Variants in URI1 observed in about 807,000 individuals in gnomAD.
The protein encoded by URI1 is URI1 prefoldin like chaperone, also known as unconventional prefoldin RPB5 interactor 1.
A neutral mutation model predicts 60.2 loss-of-function variants in URI1; 39 were observed. That is an observed-to-expected ratio of 0.65 (90% CI 0.50 to 0.85). The LOEUF is 0.85. Ranked by LOEUF, URI1 falls within the 40% of genes least tolerant of loss-of-function variation. The pLI, the probability that URI1 is intolerant of heterozygous loss-of-function variation, is 0.00. For missense variants in URI1, 691 were observed against 665.9 expected (o/e 1.04, Z -0.42); for synonymous variants, 251 against 236.8 (o/e 1.06, Z -0.55).
At chr19:29,988,066 G>T (rs988827742) in intron 4 of URI1, among the ~76,000 whole-genome samples, 2 of 151,774 alleles carry the variant, frequency 1.3e-5, no homozygotes, top group African/African-American at 4.8e-5. Flanking sequence ...TACTTGGGAG[G>T]CTGAGACAGG....
chr19:30,007,537 T>C lies in URI1; in HGVS notation c.585T>C (p.Ile195=), dbSNP rs1194133440. The C allele has an allele frequency of 2.5e-6, 4 of 1,613,572 alleles. No individual in the cohort carries two copies. The South Asian group carries it at 4.4e-5, about 18-fold the overall frequency. The change falls in exon 7 of 11, where the codon ATT becomes ATC. Residue 195 remains isoleucine, a synonymous_variant. Transcript: ENST00000392271. ...CTTCAGATATTTTTGAAGCAGATAT[T>C]GCAAATGATGTGAAATCCAAGGATT... ...PKTSDIFEAD[I]ANDVKSKDLL... is the part of the protein sequence containing the mutation.
chr19:30,012,298 G>C lies in URI1; in HGVS notation c.1192G>C (p.Val398Leu). 1.2e-6 allele frequency: 2 copies of C among 1,613,422 alleles called. No homozygotes were observed. Among genetic ancestry groups the C allele is most frequent in the Non-Finnish European group, 1.7e-6 (2 of 1,179,406 alleles). Reference sequence around the variant, plus strand: ...TGAATATCACAGAGCCTTTGTTGATGTTGTGAATGGAGAATATGTCCCTCG... The same window carrying C: ...TGAATATCACAGAGCCTTTGTTGATCTTGTGAATGGAGAATATGTCCCTCG... Reference protein sequence around the residue: ...PADIYRAFVDVVNGEYVPRKS... With the variant: ...PADIYRAFVDLVNGEYVPRKS... Residue 398 changes from valine to leucine, a missense_variant, in exon 10 of 11, where the codon GTT becomes CTT. Physicochemically the swap from Val to Leu is conservative, Grantham distance 32. Transcript: ENST00000392271.
rs370043665 is a variant in URI1, at chr19:29,943,986, A to G, written c.117+1322A>G. Among the ~76,000 whole-genome samples the G allele has an allele frequency of 8.0e-5, 12 of 150,264 alleles. No homozygotes were observed. The East Asian group carries it at 1.6e-3, about 20-fold the overall frequency. On this transcript the variant is annotated intron_variant, in intron 1 of 10. Transcript: ENST00000392271. ...CTCCGTCTATACAAAAAAATACAAA[A>G]AATTAGCCGGGCCATGGTGGTGCAC...
At chr19:29,962,734 A>T (rs969917202) in intron 1 of URI1, among the ~76,000 whole-genome samples, 1 of 151,734 alleles carries the variant, frequency 6.6e-6, no homozygotes, top group Admixed American at 6.6e-5. Context: ...CTAGTTTAAT[A>T]ATTTTTTTGA....
intron 2 of URI1, among the ~76,000 whole-genome samples, chr19:29,972,565 G>T (rs1270973346): frequency 6.6e-6 from 1 of 152,102 alleles, no homozygotes; most frequent in Non-Finnish European, 1.5e-5. Context: ...TGGGTGAATG[G>T]TAACTTGCTT....
intron 1 of URI1, among the ~76,000 whole-genome samples, chr19:29,928,315 C>A (rs2054888064): frequency 6.6e-6 from 1 of 152,102 alleles, no homozygotes; most frequent in Non-Finnish European, 1.5e-5. Context: ...CCAGGTCACG[C>A]CCAAGCATTA....
upstream of URI1, chr19:29,937,855 G>C (rs985250832): frequency 6.6e-6 from 1 of 152,192 alleles, no homozygotes; most frequent in African/African-American, 2.4e-5. Flanking sequence ...GCCATTCCAG[G>C]AAAGCTATTC....
chr19:30,002,347 AT>A (rs1208640787), intron 4 of URI1, among the ~76,000 whole-genome samples: 2 of 151,988 alleles, frequency 1.3e-5, no homozygotes, highest in Non-Finnish European at 2.9e-5. Context: ...TTAAGTTCTT[AT>A]GAGGTTTTAA....
At chr19:29,956,649 G>T (rs1399904336) in intron 1 of URI1, 1 of 1,526,532 alleles carries the variant, frequency 6.6e-7, no homozygotes, top group African/African-American at 1.4e-5. Context: ...AGAAATTTCG[G>T]ATTTCAACAA....
chr19:29,989,768 AG>A (rs1366723030), intron 4 of URI1, among the ~76,000 whole-genome samples: 2 of 18,602 alleles, frequency 1.1e-4, no homozygotes, highest in African/African-American at 1.7e-4. Flanking sequence ...TCGTTTTGAG[AG>A]TTTTTTTTTT....
intron 1 of URI1, among the ~76,000 whole-genome samples, chr19:29,951,707 C>T (rs2055182533): frequency 6.6e-6 from 1 of 152,050 alleles, no homozygotes; most frequent in Non-Finnish European, 1.5e-5. Context: ...CCACCACGCC[C>T]AGCTACTTTT....
intron 2 of URI1, among the ~76,000 whole-genome samples, chr19:29,978,883 T>C (rs2055558163): frequency 6.6e-6 from 1 of 152,244 alleles, no homozygotes; most frequent in South Asian, 2.1e-4. Context: ...GATTGCCATT[T>C]TTCACTGTTG....
chr19:29,986,929 A>G (rs184319082), intron 4 of URI1, among the ~76,000 whole-genome samples: 1 of 152,276 alleles, frequency 6.6e-6, no homozygotes, highest in Admixed American at 6.5e-5. Flanking sequence ...GCTACCTAAA[A>G]CAGCACCCTT....
upstream of URI1, among the ~76,000 whole-genome samples, chr19:29,938,318 G>C (rs528133641): frequency 6.6e-6 from 1 of 152,118 alleles, no homozygotes; most frequent in East Asian, 1.9e-4. Context: ...ATGGCAAGTG[G>C]AAGTAAGAGC....
At chr19:29,956,742 C>T (rs575833240) in intron 1 of URI1, 7 of 1,578,270 alleles carry the variant, frequency 4.4e-6, no homozygotes, top group African/African-American at 4.0e-5. Context: ...AGTGTAACAC[C>T]CTTGATCATG....
At chr19:29,970,833 A>G (rs1216001354) in intron 1 of URI1, among the ~76,000 whole-genome samples, 2 of 152,096 alleles carry the variant, frequency 1.3e-5, no homozygotes, top group African/African-American at 2.4e-5. Flanking sequence ...GTTTCTTGTT[A>G]TTTATAACAT....
At chr19:29,989,437 T>G (rs897861438) in intron 4 of URI1, among the ~76,000 whole-genome samples, 5 of 151,208 alleles carry the variant, frequency 3.3e-5, no homozygotes, top group Non-Finnish European at 5.9e-5. Flanking sequence ...TCTTTCTTTT[T>G]TTTTGAGATG....
At position 30,015,486 on chromosome 19, in the gene URI1, C is replaced by T; in HGVS notation, c.*417C>T. On this transcript the variant is annotated 3_prime_UTR_variant, in exon 11 of 11. Coordinates refer to ENST00000392271, the MANE Select transcript of URI1 (RefSeq NM_003796.3). ...TCAAATAGATTCAACAATTACATTACTTGCTTTCACATTTTAAAGGCACTT... is the reference window on the plus strand; with the variant it reads ...TCAAATAGATTCAACAATTACATTATTTGCTTTCACATTTTAAAGGCACTT... The T allele has an allele frequency of 6.6e-7, 1 of 1,524,038 alleles. No homozygotes were observed. The highest frequency in any genetic ancestry group is 8.7e-7 in the Non-Finnish European group (1 of 1,143,478). The allele number at this position is 1,524,038 out of a possible 1,614,324, so 94.4% of individuals were successfully genotyped here.
chr19:29,978,219 C>T (rs2055549652), intron 2 of URI1, among the ~76,000 whole-genome samples: 1 of 152,148 alleles, frequency 6.6e-6, no homozygotes, highest in Admixed American at 6.6e-5. Flanking sequence ...GGAAAACTTA[C>T]ATGTTATAGG....
Sources: gnomAD v4.1 joint callset for allele counts (sites outside exome capture counted in the v4.1 genomes callset) on GRCh38, gnomAD v4.1.1 for gene constraint, MANE v1.5 for transcripts, NCBI Gene and HGNC (gene_info 2026-07-23, HGNC 2026-07-21) for gene names.